Variants in NEGR1 observed in about 807,000 individuals in gnomAD.
NEGR1 encodes neuronal growth regulator 1.
Under a neutral mutation model 40.9 loss-of-function variants are expected in NEGR1, and 10 were observed. The observed-to-expected ratio is 0.24, with a 90% CI of 0.15 to 0.42. NEGR1 has a LOEUF of 0.42. Among genes scored for constraint, NEGR1 ranks in the 10% least tolerant of loss-of-function variants. The pLI is 1.00. For synonymous variants in NEGR1, 185 were observed against 166.8 expected, an observed-to-expected ratio of 1.11 and a Z score of -0.84; for missense variants, 352 against 438.9, an observed-to-expected ratio of 0.80 and a Z score of 1.77.
At chr1:71,544,609 T>C (rs990296605) in intron 6 of NEGR1, among the ~76,000 whole-genome samples, 1 of 151,716 alleles carries the variant, frequency 6.6e-6, no homozygotes, top group Admixed American at 6.6e-5. Context: ...AAAAACATTA[T>C]AAAGTTAGTA....
chr1:71,783,557 G>A (rs1656795647), intron 2 of NEGR1, among the ~76,000 whole-genome samples: 1 of 151,952 alleles, frequency 6.6e-6, no homozygotes, highest in South Asian at 2.1e-4. Context: ...GTGATAACAG[G>A]AAAAAGATAC....
chr1:71,707,630 G>A (rs1653945937), intron 3 of NEGR1, among the ~76,000 whole-genome samples: 1 of 152,204 alleles, frequency 6.6e-6, no homozygotes, highest in East Asian at 1.9e-4. Flanking sequence ...GCTGACTATA[G>A]AGCCCCAGGG....
At position 72,202,264 on chromosome 1, in the gene NEGR1, A is replaced by G. The variant is rs1246879730; in HGVS notation, c.176+80055T>C. 2.0e-5 allele frequency among the ~76,000 whole-genome samples: 3 copies of G among 151,846 alleles called. No homozygotes were observed. The East Asian group carries it at 5.8e-4, about 29-fold the overall frequency. On this transcript the variant is annotated intron_variant, in intron 1 of 6. Transcript: ENST00000357731. ...ACTTATCAGCCATTCCTCCATACCT[A>G]TCTTTCCCCTCAGTCTTCCCTACTC...
intron 4 of NEGR1, among the ~76,000 whole-genome samples, chr1:71,682,041 GGTCTC>G (rs1214681610): frequency 1.3e-5 from 2 of 151,794 alleles, no homozygotes; most frequent in East Asian, 3.9e-4. Context: ...TGGCCAGGCT[GGTCTC>G]AGACTCCTGG....
At chr1:72,281,891 G>A (rs191445633) in intron 1 of NEGR1, among the ~76,000 whole-genome samples, 2 of 152,304 alleles carry the variant, frequency 1.3e-5, no homozygotes, top group Admixed American at 6.5e-5. Flanking sequence ...GTCCAAGTGA[G>A]AGGGAAAATA....
At chr1:71,696,626 T>C (rs886267662) in intron 4 of NEGR1, among the ~76,000 whole-genome samples, 11 of 151,838 alleles carry the variant, frequency 7.2e-5, no homozygotes, top group Admixed American at 1.3e-4. Flanking sequence ...GCATGGCTAG[T>C]GATAAATGAT....
intron 6 of NEGR1, among the ~76,000 whole-genome samples, chr1:71,440,153 G>A (rs1273832417): frequency 6.6e-6 from 1 of 152,050 alleles, no homozygotes; most frequent in East Asian, 1.9e-4. Context: ...ATGAATAAAA[G>A]AATAAGTATC....
chr1:71,883,327 T>C (rs1219951316), intron 2 of NEGR1, among the ~76,000 whole-genome samples: 2 of 152,138 alleles, frequency 1.3e-5, no homozygotes, highest in Non-Finnish European at 2.9e-5. Flanking sequence ...TGATTTACTA[T>C]ATAATCATTA....
rs118018415 is a variant in NEGR1 at position 71,756,138 on chromosome 1, A to T, written c.535+20034T>A. On this transcript the variant is annotated intron_variant, in intron 3 of 6. Transcript: ENST00000357731. ...CAGGCAGCAGAATCTAGTGGAAATA[A>T]GTTCTGGCTGAAAAGTGTTGGTTCT... is the stretch of plus-strand genomic sequence containing the variant. Among the ~76,000 whole-genome samples, 27 of 152,252 alleles carry T rather than the reference A, an allele frequency of 1.8e-4. No individual in the cohort carries two copies. In the East Asian group the frequency reaches 4.6e-3, roughly 26 times the overall value.
At chr1:71,683,613 A>G (rs1652912622) in intron 4 of NEGR1, among the ~76,000 whole-genome samples, 1 of 152,024 alleles carries the variant, frequency 6.6e-6, no homozygotes, top group African/African-American at 2.4e-5. Context: ...CTCAAGATAA[A>G]TACTTAGTTT....
At chr1:72,119,067 T>G (rs1042131192) in intron 1 of NEGR1, among the ~76,000 whole-genome samples, 9 of 151,848 alleles carry the variant, frequency 5.9e-5, no homozygotes, top group African/African-American at 1.9e-4. Flanking sequence ...GATAAAAATA[T>G]TAACTGTTAC....
intron 2 of NEGR1, among the ~76,000 whole-genome samples, chr1:71,778,184 T>G (rs74807395): frequency 0.057 from 8,625 of 151,908 alleles, 294 homozygotes; most frequent in Middle Eastern, 0.11. Context: ...CATATATATA[T>G]ATAGAGAGAG....
intron 6 of NEGR1, among the ~76,000 whole-genome samples, chr1:71,523,835 G>A (rs1374266043): frequency 1.3e-5 from 2 of 151,850 alleles, no homozygotes; most frequent in African/African-American, 4.8e-5. Context: ...ATAACAACTG[G>A]ATGAAATTTG....
chr1:71,686,782 C>T (rs1277416763), intron 4 of NEGR1, among the ~76,000 whole-genome samples: 1 of 152,204 alleles, frequency 6.6e-6, no homozygotes, highest in Non-Finnish European at 1.5e-5. Context: ...AAAGAATTCA[C>T]AAATCATCAG....
At chr1:71,506,366 C>A (rs1347353125) in intron 6 of NEGR1, among the ~76,000 whole-genome samples, 3 of 152,078 alleles carry the variant, frequency 2.0e-5, no homozygotes, top group Non-Finnish European at 4.4e-5. Context: ...AAGAGGCAAC[C>A]TGTTACTTTT....
intron 6 of NEGR1, chr1:71,472,598 A>G (rs1206155932): frequency 6.6e-6 from 1 of 152,138 alleles, no homozygotes; most frequent in African/African-American, 2.4e-5. Context: ...GAACCAGCTG[A>G]CTGATCTATG....
At chr1:72,144,972 T>C (rs1650851941) in intron 1 of NEGR1, among the ~76,000 whole-genome samples, 2 of 152,108 alleles carry the variant, frequency 1.3e-5, no homozygotes, top group Admixed American at 1.3e-4. Context: ...ATATTCTGGA[T>C]ACCTTACCTA....
At chr1:72,205,650 C>G (rs972502525) in intron 1 of NEGR1, among the ~76,000 whole-genome samples, 4 of 144,994 alleles carry the variant, frequency 2.8e-5, no homozygotes, top group Non-Finnish European at 4.5e-5. Context: ...GACATGATGG[C>G]TCATGCCTAT....
intron 3 of NEGR1, among the ~76,000 whole-genome samples, chr1:71,723,946 A>T (rs1428101646): frequency 1.3e-5 from 2 of 152,110 alleles, no homozygotes; most frequent in Non-Finnish European, 2.9e-5. Context: ...TTCAAGAAGT[A>T]TCATTGGAAA....
Sources: allele counts gnomAD v4.1 joint callset (sites outside exome capture counted in the v4.1 genomes callset), GRCh38; gene constraint gnomAD v4.1.1; transcripts MANE v1.5; gene names NCBI Gene and HGNC (gene_info 2026-07-23, HGNC 2026-07-21).